CPNE4: variants seen among roughly 807,000 people sequenced by gnomAD.
CPNE4 encodes the protein copine-4.
In CPNE4, 25 loss-of-function variants were observed where a neutral mutation model predicts 67.9. That is an observed-to-expected ratio of 0.37 (90% CI 0.27 to 0.51). The LOEUF (loss-of-function observed/expected upper bound fraction) is 0.51, where lower values mean the gene tolerates loss of function less well. Among genes scored for constraint, CPNE4 ranks in the 20% least tolerant of loss-of-function variants. CPNE4 has a pLI of 0.93. For missense variants in CPNE4, 464 were observed against 690.8 expected (o/e 0.67, Z 3.68); for synonymous variants, 242 against 244.9 (o/e 0.99, Z 0.11).
chr3:132,021,898 T>G (rs1351270937), intron 1 of CPNE4, among the ~76,000 whole-genome samples: 2 of 152,138 alleles, frequency 1.3e-5, no homozygotes, highest in African/African-American at 4.8e-5. Flanking sequence ...GAACTGTTTC[T>G]CTCCATCCAA....
intron 1 of CPNE4, among the ~76,000 whole-genome samples, chr3:131,924,217 T>A (rs1324244880): frequency 1.3e-5 from 2 of 152,204 alleles, no homozygotes; most frequent in Non-Finnish European, 2.9e-5. Context: ...TAAGTCCTTA[T>A]TTGTTTCCTT....
chr3:131,604,082 GC>G (rs534414709), intron 7 of CPNE4, among the ~76,000 whole-genome samples: 55 of 152,082 alleles, frequency 3.6e-4, no homozygotes, highest in African/African-American at 1.3e-3. Context: ...TATTAATAGA[GC>G]CCCACACTTC....
At chr3:131,829,534 A>T (rs930463902) in intron 2 of CPNE4, among the ~76,000 whole-genome samples, 4 of 152,204 alleles carry the variant, frequency 2.6e-5, no homozygotes, top group African/African-American at 7.2e-5. Context: ...TACTTGTCAA[A>T]TAAAATGTGT....
chr3:131,952,569 TG>T (rs555766375), intron 1 of CPNE4, among the ~76,000 whole-genome samples: 1,507 of 78,494 alleles, frequency 0.019, 31 homozygotes, highest in African/African-American at 0.084. Context: ...GGGAGGGAGG[TG>T]GGGGGGTCAG....
chr3:131,534,868 A>T lies in CPNE4; in HGVS notation c.*327T>A, dbSNP rs978955076. 1.1e-5 allele frequency: 2 copies of T among 186,712 alleles called. No individual in the cohort carries two copies. The highest frequency in any genetic ancestry group is 4.7e-5 in the African/African-American group (2 of 42,752). The allele number at this position is 186,712 out of a possible 1,614,324, so 11.6% of individuals were successfully genotyped here. A position where few individuals can be genotyped will look rare whatever the true frequency, so the allele number is the denominator to read the frequency against. ...TCAAAATGCTTTAGAGTGTAAAGAT[A>T]AGAAATTTAGCAAAATTTCAACAAA... is the stretch of plus-strand genomic sequence containing the variant. On this transcript the variant is annotated 3_prime_UTR_variant, in exon 16 of 16. Coordinates refer to ENST00000429747, the MANE Select transcript of CPNE4 (RefSeq NM_130808.3).
intron 2 of CPNE4, among the ~76,000 whole-genome samples, chr3:131,883,486 C>T (rs2087758845): frequency 6.6e-6 from 1 of 152,216 alleles, no homozygotes; most frequent in Non-Finnish European, 1.5e-5. Context: ...CCTCCTGAGT[C>T]ATCTCCAACA....
intron 4 of CPNE4, among the ~76,000 whole-genome samples, chr3:131,697,373 G>A (rs2081179336): frequency 6.6e-6 from 1 of 152,136 alleles, no homozygotes; most frequent in South Asian, 2.1e-4. Flanking sequence ...AATAATGTTA[G>A]GATTTACCAT....
chr3:131,828,138 T>C (rs2085235339), intron 2 of CPNE4, among the ~76,000 whole-genome samples: 1 of 150,934 alleles, frequency 6.6e-6, no homozygotes. Flanking sequence ...AATGTAATTT[T>C]CTGATTGCTC....
At chr3:131,536,004 A>C (rs892081291) in intron 15 of CPNE4, among the ~76,000 whole-genome samples, 1 of 152,210 alleles carries the variant, frequency 6.6e-6, no homozygotes, top group Admixed American at 6.5e-5. Context: ...GCATATTTTA[A>C]TACATAGAGA....
intron 7 of CPNE4, among the ~76,000 whole-genome samples, chr3:131,656,394 C>T (rs17358804): frequency 1.3e-4 from 19 of 151,904 alleles, no homozygotes; most frequent in Non-Finnish European, 2.4e-4. Context: ...TCACTAGCAT[C>T]GATATATGTG....
intron 1 of CPNE4, among the ~76,000 whole-genome samples, chr3:131,971,005 A>G (rs1013487836): frequency 6.6e-6 from 1 of 152,208 alleles, no homozygotes; most frequent in East Asian, 1.9e-4. Context: ...AGATCACTAG[A>G]TCATCTGCTA....
chr3:131,889,986 A>G (rs1351039314), intron 2 of CPNE4, among the ~76,000 whole-genome samples: 1 of 151,230 alleles, frequency 6.6e-6, no homozygotes, highest in African/African-American at 2.5e-5. Flanking sequence ...CTGAAAAATT[A>G]CTACAAGAAA....
At chr3:131,775,154 T>C (rs1487672527) in intron 2 of CPNE4, among the ~76,000 whole-genome samples, 5 of 152,138 alleles carry the variant, frequency 3.3e-5, no homozygotes, top group Non-Finnish European at 5.9e-5. Flanking sequence ...TTTCCTTTTT[T>C]CACCTCCAAA....
chr3:131,930,088 T>A (rs532096761), intron 1 of CPNE4, among the ~76,000 whole-genome samples: 3 of 152,106 alleles, frequency 2.0e-5, no homozygotes, highest in Non-Finnish European at 4.4e-5. Flanking sequence ...CAATAGATAG[T>A]CATGTTAAAG....
intron 1 of CPNE4, among the ~76,000 whole-genome samples, chr3:131,942,463 T>TGTGTGAGAGAGAGA (rs2071424814): frequency 7.1e-5 from 5 of 70,772 alleles, no homozygotes; most frequent in African/African-American, 2.5e-4. Context: ...TGTGTGTGTG[T>TGTGTGAGAGAGAGA]GAGAGAGAGA....
chr3:131,952,515 G>T (rs2071781592), intron 1 of CPNE4, among the ~76,000 whole-genome samples: 1 of 98,520 alleles, frequency 1.0e-5, no homozygotes, highest in Non-Finnish European at 2.7e-5. Flanking sequence ...CATCCGGGAG[G>T]GAGGTGGGGG....
At chr3:131,750,707 A>T (rs546323696) in intron 2 of CPNE4, among the ~76,000 whole-genome samples, 1 of 152,278 alleles carries the variant, frequency 6.6e-6, no homozygotes, top group African/African-American at 2.4e-5. Context: ...AGGAGGAGAA[A>T]AAATGCCTAT....
chr3:131,894,091 C>T (rs1028777641), intron 2 of CPNE4, among the ~76,000 whole-genome samples: 34 of 151,706 alleles, frequency 2.2e-4, no homozygotes, highest in African/African-American at 7.5e-4. Flanking sequence ...AACAACCACA[C>T]GACAACAAAT....
intron 1 of CPNE4, among the ~76,000 whole-genome samples, chr3:131,918,908 A>G (rs929535250): frequency 6.6e-6 from 1 of 152,202 alleles, no homozygotes; most frequent in Non-Finnish European, 1.5e-5. Flanking sequence ...GCTAGAGGCT[A>G]AAGAATAACA....
Sources: gnomAD v4.1 joint callset for allele counts (sites outside exome capture counted in the v4.1 genomes callset) on GRCh38, gnomAD v4.1.1 for gene constraint, MANE v1.5 for transcripts, NCBI Gene and HGNC (gene_info 2026-07-23, HGNC 2026-07-21) for gene names.